CEACAM5: variants seen among roughly 807,000 people sequenced by gnomAD.
CEACAM5 encodes cell adhesion molecule CEACAM5.
In CEACAM5, 52 loss-of-function variants were observed where a neutral mutation model predicts 63.0. The ratio of observed to expected loss-of-function variants is 0.83; its 90% CI spans 0.66 to 1.04. The LOEUF is 1.04. Among genes scored for constraint, CEACAM5 ranks in the 50% least tolerant of loss-of-function variants. The probability of loss-of-function intolerance (pLI) is 0.00; values close to 1 mark genes in which losing one functional copy is unlikely to be tolerated. For synonymous variants in CEACAM5, 357 were observed against 351.3 expected (o/e 1.02, Z -0.18); for missense variants, 790 against 864.8 (o/e 0.91, Z 1.08).
intron 8 of CEACAM5, among the ~76,000 whole-genome samples, chr19:41,725,273 G>T (rs13343300): frequency 0.034 from 5,213 of 151,436 alleles, 303 homozygotes; most frequent in African/African-American, 0.12. Flanking sequence ...TCAACAGTTT[G>T]TTGGCATACA....
At chr19:41,727,188 C>G in intron 8 of CEACAM5, 46 bp from the exon 9 acceptor site, 1 of 1,419,524 alleles carries the variant, frequency 7.0e-7, no homozygotes, top group Non-Finnish European at 1.0e-6. Flanking sequence ...TGTAAAATAA[C>G]ATCACATTCA....
intron 8 of CEACAM5, 71 bp from the exon 9 acceptor site, chr19:41,727,163 C>G (rs1199225697): frequency 1.8e-6 from 2 of 1,137,612 alleles, no homozygotes; most frequent in Non-Finnish European, 2.7e-6. Context: ...AGAGCTGGAA[C>G]CTGGGGCACC....
chr19:41,718,216 C>A lies in CEACAM5; in HGVS notation c.1326C>A (p.Asn442Lys). Residue 442 changes from asparagine (N) to lysine (K), a missense_variant, in exon 6 of 10, where the codon AAC (asparagine) becomes AAA (lysine). Asn to Lys is a moderately conservative substitution (Grantham distance 94). Transcript: ENST00000221992. ...NLSLSCHAASNPPAQYSWLID... is the reference protein window; with the variant it reads ...NLSLSCHAASKPPAQYSWLID... ...GCCTCTCCTGCCATGCAGCCTCTAA[C>A]CCACCTGCACAGTATTCTTGGCTGA... is the stretch of plus-strand genomic sequence containing the variant. The A allele has an allele frequency of 6.2e-7, 1 of 1,614,228 alleles. No homozygotes were observed. The highest frequency in any genetic ancestry group is 8.5e-7 in the Non-Finnish European group (1 of 1,180,038).
chr19:41,709,620 C>G, intron 1 of CEACAM5, 60 bp from the exon 2 acceptor site: 1 of 1,562,914 alleles, frequency 6.4e-7, no homozygotes, highest in Non-Finnish European at 8.7e-7. Context: ...CCCAGGACCC[C>G]ATTTTTCCAC....
rs181130478 is a variant in CEACAM5, at chr19:41,727,327, G to T, written c.*11G>T. ...GTTGCTCTGATATAGCAGCCCTGGT[G>T]TAGTTTCTTCATTTCAGGAAGACTG... On this transcript the variant is annotated 3_prime_UTR_variant, in exon 9 of 10. Transcript: ENST00000221992. 1 of 1,601,026 alleles carries T rather than the reference G, an allele frequency of 6.2e-7. No homozygotes were observed. Among genetic ancestry groups the T allele is most frequent in the Non-Finnish European group, 8.6e-7 (1 of 1,168,540 alleles).
intron 8 of CEACAM5, among the ~76,000 whole-genome samples, chr19:41,722,257 G>T (rs531965235): frequency 3.3e-5 from 5 of 151,242 alleles, no homozygotes; most frequent in African/African-American, 1.2e-4. Flanking sequence ...CCAGCTACTC[G>T]GGAGGCTGAG....
chr19:41,724,623 ATGT>A (rs1242477487), intron 8 of CEACAM5, among the ~76,000 whole-genome samples: 1 of 152,170 alleles, frequency 6.6e-6, no homozygotes, highest in East Asian at 1.9e-4. Context: ...CCATCTATTG[ATGT>A]TGTCTTTAAT....
At chr19:41,716,078 T>C (rs1203005582) in intron 4 of CEACAM5, among the ~76,000 whole-genome samples, 174 bp downstream of exon 4, 1 of 152,190 alleles carries the variant, frequency 6.6e-6, no homozygotes, top group Admixed American at 6.5e-5. Context: ...TTTCTTCTTG[T>C]TCTGATTTCT....
intron 8 of CEACAM5, among the ~76,000 whole-genome samples, chr19:41,722,263 C>T (rs529729117): frequency 1.3e-5 from 2 of 148,620 alleles, no homozygotes; most frequent in Non-Finnish European, 3.0e-5. Context: ...ACTCGGGAGG[C>T]TGAGGCAGGA....
Position 41,715,160 on chromosome 19 carries a change from T to A in CEACAM5, c.614T>A (p.Val205Asp). Residue 205 changes from valine to aspartate, a missense_variant, in exon 3 of 10, where the codon GTC becomes GAC. Val to Asp is a radical substitution (Grantham distance 152). Transcript: ENST00000221992. ...AACAGGACCCTCACTCTATTCAATGTCACAAGAAATGACACAGCAAGCTAC... is the reference window on the plus strand; with the variant it reads ...AACAGGACCCTCACTCTATTCAATGACACAAGAAATGACACAGCAAGCTAC... ...NGNRTLTLFNVTRNDTASYKC... is the reference protein window; with the variant it reads ...NGNRTLTLFNDTRNDTASYKC... 1 of 1,614,152 alleles carries A rather than the reference T, an allele frequency of 6.2e-7. No homozygotes were observed. Among genetic ancestry groups the A allele is most frequent in the Non-Finnish European group, 8.5e-7 (1 of 1,180,028 alleles).
At chr19:41,728,786 C>CAAAAAAAAAA (rs55647539) in intron 9 of CEACAM5, among the ~76,000 whole-genome samples, 2,548 of 72,786 alleles carry the variant, frequency 0.035, 300 homozygotes, top group East Asian at 0.19. Flanking sequence ...GACTCCGTCT[C>CAAAAAAAAAA]AAAAAAAAAA....
chr19:41,712,147 A>T (rs1476684873), intron 2 of CEACAM5, among the ~76,000 whole-genome samples: 3 of 152,200 alleles, frequency 2.0e-5, no homozygotes, highest in African/African-American at 4.8e-5. Flanking sequence ...CAAAGCCCGC[A>T]TGCTTATTTC....
chr19:41,718,870 C>A (rs1340379792), intron 6 of CEACAM5, among the ~76,000 whole-genome samples: 1 of 152,268 alleles, frequency 6.6e-6, no homozygotes, highest in Non-Finnish European at 1.5e-5. Context: ...CCGCTCCGGG[C>A]TCCCCCAGTG....
intron 7 of CEACAM5, 105 bp downstream of exon 7, chr19:41,720,313 C>T: frequency 7.4e-7 from 1 of 1,348,428 alleles, no homozygotes; most frequent in Non-Finnish European, 1.0e-6. Flanking sequence ...CAGACTCCCA[C>T]CCCTGGACAC....
At chr19:41,727,428 C>A in intron 9 of CEACAM5, 76 bp downstream of exon 9, 1 of 760,760 alleles carries the variant, frequency 1.3e-6, no homozygotes, top group Non-Finnish European at 2.3e-6. Flanking sequence ...GAAGGGATTT[C>A]TTCACCTGTA....
At chr19:41,717,344 T>G in intron 4 of CEACAM5, 111 bp from the exon 5 acceptor site, 1 of 1,190,196 alleles carries the variant, frequency 8.4e-7, no homozygotes, top group Non-Finnish European at 1.2e-6. Flanking sequence ...CCATGAGCTT[T>G]TAAGGACTCA....
chr19:41,720,131 A>T lies in CEACAM5; in HGVS notation c.1694A>T (p.Asp565Val). 1 of 1,614,240 alleles carries T rather than the reference A, an allele frequency of 6.2e-7. No individual in the cohort carries two copies. The highest frequency in any genetic ancestry group is 8.5e-7 in the Non-Finnish European group (1 of 1,180,048). Residue 565 changes from aspartate to valine, a missense_variant, in exon 7 of 10, where the codon GAC becomes GTC. Asp to Val is a radical substitution (Grantham distance 152). Transcript: ENST00000221992. ...ACTCTATTCAATGTCACAAGAAATG[A>T]CGCAAGAGCCTATGTATGTGGAATC... ...TLTLFNVTRN[D>V]ARAYVCGIQN...
chr19:41,718,252 C>A lies in CEACAM5; in HGVS notation c.1362C>A (p.Asn454Lys). 1 of 1,614,248 alleles carries A rather than the reference C, an allele frequency of 6.2e-7. No homozygotes were observed. The highest frequency in any genetic ancestry group is 8.5e-7 in the Non-Finnish European group (1 of 1,180,050). The change falls in exon 6 of 10, where the codon AAC (asparagine) becomes AAA (lysine). Residue 454 changes from asparagine to lysine, a missense_variant. Coordinates refer to ENST00000221992, the MANE Select transcript of CEACAM5 (RefSeq NM_004363.6). ...AGTATTCTTGGCTGATTGATGGGAACATCCAGCAACACACACAAGAGCTCT... is the reference window on the plus strand; with the variant it reads ...AGTATTCTTGGCTGATTGATGGGAAAATCCAGCAACACACACAAGAGCTCT... ...PAQYSWLIDGNIQQHTQELFI... is the reference protein window; with the variant it reads ...PAQYSWLIDGKIQQHTQELFI...
At chr19:41,708,834 A>AGCACAGAGACAG in intron 1 of CEACAM5, 39 bp downstream of exon 1, 1 of 1,542,752 alleles carries the variant, frequency 6.5e-7, no homozygotes, top group Middle Eastern at 1.7e-4. Flanking sequence ...GGGAGGAGGG[A>AGCACAGAGACAG]GCTGGGGTCT....
Sources: allele counts gnomAD v4.1 joint callset (sites outside exome capture counted in the v4.1 genomes callset), GRCh38; gene constraint gnomAD v4.1.1; transcripts MANE v1.5; gene names NCBI Gene and HGNC (gene_info 2026-07-23, HGNC 2026-07-21).